The following FAM20C variants were observed in gnomAD, a reference collection of about 807,000 sequenced individuals.
FAM20C encodes extracellular serine/threonine protein kinase FAM20C.
FAM20C carries 40 observed loss-of-function variants against 51.5 expected under a neutral mutation model. The ratio of observed to expected loss-of-function variants is 0.78; its 90% CI spans 0.60 to 1.01. The LOEUF is 1.01. Among genes scored for constraint, FAM20C ranks in the 50% least tolerant of loss-of-function variants. The pLI, the probability that FAM20C is intolerant of heterozygous loss-of-function variation, is 0.00. For synonymous variants in FAM20C, 406 were observed against 380.6 expected (o/e 1.07, Z -0.78); for missense variants, 861 against 844.7 (o/e 1.02, Z -0.24).
intron 3 of FAM20C, among the ~76,000 whole-genome samples, chr7:227,155 G>A (rs35023090): frequency 0.032 from 4,877 of 152,164 alleles, 105 homozygotes; most frequent in Middle Eastern, 0.065. Flanking sequence ...CCCCAGAACG[G>A]CAATATCGAG....
At chr7:251,537 A>G (rs1335973945) in intron 5 of FAM20C, among the ~76,000 whole-genome samples, 1 of 150,832 alleles carries the variant, frequency 6.6e-6, no homozygotes, top group African/African-American at 2.4e-5. Flanking sequence ...AAAAAGACTG[A>G]GTTGATTATT....
rs1234626195 is a variant in FAM20C at position 204,306 on chromosome 7, T to TG, written c.785-4592_785-4591insG. ...GCCCGCCTGAGGCTGGCGTTCAGGTTCTGTGCAGTGTTTTGGAGAGAAATG... is the reference window on the plus strand; with the variant it reads ...GCCCGCCTGAGGCTGGCGTTCAGGTTGCTGTGCAGTGTTTTGGAGAGAAATG... On this transcript the variant is annotated intron_variant, in intron 2 of 9. Coordinates refer to ENST00000313766, the MANE Select transcript of FAM20C (RefSeq NM_020223.4). Among the ~76,000 whole-genome samples the TG allele has an allele frequency of 3.2e-4, 48 of 152,362 alleles. No homozygotes were observed. The Middle Eastern group carries it at 0.014, about 43-fold the overall frequency.
At chr7:213,184 A>G (rs1049258058) in intron 3 of FAM20C, among the ~76,000 whole-genome samples, 7 of 136,272 alleles carry the variant, frequency 5.1e-5, no homozygotes, top group Non-Finnish European at 1.0e-4. Context: ...TGTGAGTGAC[A>G]TGGACGGCTG....
intron 3 of FAM20C, chr7:228,796 G>C (rs759881747): frequency 9.9e-5 from 45 of 455,976 alleles, no homozygotes; most frequent in Admixed American, 1.6e-4. Flanking sequence ...TCCTGCTGAC[G>C]GCATGAGTGG....
chr7:226,545 G>GC (rs1203448780), intron 3 of FAM20C, among the ~76,000 whole-genome samples: 2 of 152,048 alleles, frequency 1.3e-5, no homozygotes, highest in African/African-American at 4.8e-5. Context: ...GGCCCCGTGT[G>GC]CCCCCCGGTC....
At chr7:251,221 G>C (rs1044763251) in intron 5 of FAM20C, among the ~76,000 whole-genome samples, 3 of 144,934 alleles carry the variant, frequency 2.1e-5, no homozygotes, top group African/African-American at 8.1e-5. Context: ...CTGAGTGGCC[G>C]GGCACGGCGG....
chr7:195,870 A>G (rs1039791291), intron 2 of FAM20C, 138 bp downstream of exon 2: 38 of 840,930 alleles, frequency 4.5e-5, no homozygotes, highest in Middle Eastern at 7.7e-4. Context: ...AGCAATCTGC[A>G]CGGGCAGCGA....
In FAM20C at chr7:235,033, G is replaced by T. The variant is rs919020277; in HGVS notation, c.864-11382G>T. 1.3e-3 allele frequency among the ~76,000 whole-genome samples: 204 copies of T among 152,304 alleles called. 3 individuals are homozygous for T. Among genetic ancestry groups the T allele is most frequent in the African/African-American group, 4.6e-3 (190 of 41,548 alleles). ...ATGGGCCCCGGGCCACTTGCTTCTCGGAAGTTCCCTGTGTGTTGAAAATGA... is the reference window on the plus strand; with the variant it reads ...ATGGGCCCCGGGCCACTTGCTTCTCTGAAGTTCCCTGTGTGTTGAAAATGA... On this transcript the variant is annotated intron_variant, in intron 3 of 9. Transcript: ENST00000313766.
At chr7:237,547 G>C (rs1020998513) in intron 3 of FAM20C, among the ~76,000 whole-genome samples, 1 of 152,246 alleles carries the variant, frequency 6.6e-6, no homozygotes, top group East Asian at 1.9e-4. Context: ...TGACGGTTAC[G>C]TTGGTGGTGA....
chr7:244,304 A>T (rs998000501), intron 3 of FAM20C, among the ~76,000 whole-genome samples: 2 of 152,178 alleles, frequency 1.3e-5, no homozygotes, highest in African/African-American at 4.8e-5. Context: ...GTTCTGTGGA[A>T]TGAGTTTTGC....
intron 2 of FAM20C, among the ~76,000 whole-genome samples, chr7:198,993 G>A (rs1562362571): frequency 6.6e-6 from 1 of 152,220 alleles, no homozygotes; most frequent in Non-Finnish European, 1.5e-5. Flanking sequence ...GAGGAAGCAG[G>A]GGACCCTCAC....
At chr7:250,405 T>C (rs1166686404) in intron 5 of FAM20C, among the ~76,000 whole-genome samples, 1 of 151,926 alleles carries the variant, frequency 6.6e-6, no homozygotes, top group Non-Finnish European at 1.5e-5. Flanking sequence ...GGCCCACTGG[T>C]GCCTGGCCCT....
chr7:227,307 C>T (rs993120459), intron 3 of FAM20C, among the ~76,000 whole-genome samples: 2 of 151,770 alleles, frequency 1.3e-5, no homozygotes, highest in Non-Finnish European at 2.9e-5. Context: ...GTACTGGGGA[C>T]GAAAATGGAA....
At chr7:215,071 C>G (rs1434188282) in intron 3 of FAM20C, among the ~76,000 whole-genome samples, 3 of 152,006 alleles carry the variant, frequency 2.0e-5, no homozygotes, top group African/African-American at 7.3e-5. Flanking sequence ...CTATGCTCCA[C>G]GGGAGACAGG....
At chr7:227,305 G>C (rs956053366) in intron 3 of FAM20C, among the ~76,000 whole-genome samples, 2 of 151,988 alleles carry the variant, frequency 1.3e-5, no homozygotes, top group African/African-American at 4.8e-5. Flanking sequence ...TCGTACTGGG[G>C]ACGAAAATGG....
At chr7:231,390 G>A (rs1179777537) in intron 3 of FAM20C, among the ~76,000 whole-genome samples, 3 of 152,236 alleles carry the variant, frequency 2.0e-5, no homozygotes, top group South Asian at 2.1e-4. Context: ...CTCTGTGGGA[G>A]GAGGGTCCCG....
chr7:211,668 G>A lies in FAM20C; in HGVS notation c.863+2692G>A, dbSNP rs28680985. Among the ~76,000 whole-genome samples the A allele has an allele frequency of 5.2e-3, 791 of 152,284 alleles. 6 individuals carry two copies. Among genetic ancestry groups the A allele is most frequent in the African/African-American group, 0.018 (759 of 41,558 alleles). On this transcript the variant is annotated intron_variant, in intron 3 of 9. Coordinates refer to ENST00000313766, the MANE Select transcript of FAM20C (RefSeq NM_020223.4). ...GCAGGGCTGTGCTGTCACCCGGGGA[G>A]GCCAGTGTGACGCGTGGGCTAAGCG...
chr7:259,896 C>T lies in FAM20C; in HGVS notation c.1671C>T (p.Val557=), dbSNP rs1788813527. 1.3e-6 allele frequency: 2 copies of T among 1,535,764 alleles called. No individual in the cohort carries two copies. The highest frequency in any genetic ancestry group is 1.7e-6 in the Non-Finnish European group (2 of 1,146,428). ...DRRLRVVLKA[V]RDCVERNGLH... ...GGCTCCGCGTCGTGCTAAAGGCCGT[C>T]CGGGACTGCGTGGAGAGGAACGGGC... Residue 557 remains valine, a synonymous_variant, in exon 10 of 10, where the codon GTC becomes GTT. Transcript: ENST00000313766.
chr7:209,126 A>G, intron 3 of FAM20C, 150 bp downstream of exon 3: 1 of 761,248 alleles, frequency 1.3e-6, no homozygotes, highest in Non-Finnish European at 2.2e-6. Flanking sequence ...GTCATGGCAA[A>G]CGAGCAACAG....
Sources: gnomAD v4.1 joint callset for allele counts (sites outside exome capture counted in the v4.1 genomes callset) on GRCh38, gnomAD v4.1.1 for gene constraint, MANE v1.5 for transcripts, NCBI Gene and HGNC (gene_info 2026-07-23, HGNC 2026-07-21) for gene names.